The following LRMDA variants were observed in gnomAD, a reference collection of about 807,000 sequenced individuals.
The protein encoded by LRMDA is leucine-rich melanocyte differentiation-associated protein.
A neutral mutation model predicts 29.8 loss-of-function variants in LRMDA; 18 were observed. The observed-to-expected ratio is 0.60, with a 90% CI of 0.42 to 0.90. The LOEUF is 0.90. Among genes scored for constraint, LRMDA ranks in the 40% least tolerant of loss-of-function variants. The probability of loss-of-function intolerance (pLI) is 0.00; values close to 1 mark genes in which losing one functional copy is unlikely to be tolerated. For synonymous variants in LRMDA, 125 were observed against 109.4 expected (o/e 1.14, Z -0.89); for missense variants, 273 against 273.9 (o/e 1.00, Z 0.02).
intron 2 of LRMDA, among the ~76,000 whole-genome samples, chr10:75,982,445 T>C (rs1314169759): frequency 4.6e-5 from 7 of 152,172 alleles, no homozygotes; most frequent in African/African-American, 1.2e-4. Context: ...AGAGTTCCCA[T>C]ACACGAGACC....
intron 2 of LRMDA, among the ~76,000 whole-genome samples, chr10:75,677,706 A>G (rs1841977497): frequency 6.6e-6 from 1 of 152,186 alleles, no homozygotes; most frequent in African/African-American, 2.4e-5. Flanking sequence ...GAATTACGGA[A>G]AAAACAAAAA....
intron 6 of LRMDA, among the ~76,000 whole-genome samples, chr10:76,483,052 C>A (rs1842747197): frequency 6.6e-6 from 1 of 151,898 alleles, no homozygotes. Flanking sequence ...AATGGATTTT[C>A]AGTCTTTGTT....
At chr10:76,432,103 TTTGTAAAAC>T (rs1842197038) in intron 6 of LRMDA, among the ~76,000 whole-genome samples, 1 of 152,224 alleles carries the variant, frequency 6.6e-6, no homozygotes, top group African/African-American at 2.4e-5. Context: ...TTAATTTCCC[TTTGTAAAAC>T]TTGAGTCCTG....
At chr10:75,886,911 T>C (rs2132349479) in intron 2 of LRMDA, among the ~76,000 whole-genome samples, 1 of 152,340 alleles carries the variant, frequency 6.6e-6, no homozygotes, top group Middle Eastern at 3.4e-3. Context: ...TCCTAGGTTC[T>C]TGTGCTTTTC....
At chr10:76,143,918 A>G (rs534832681) in intron 5 of LRMDA, among the ~76,000 whole-genome samples, 3 of 152,338 alleles carry the variant, frequency 2.0e-5, no homozygotes, top group South Asian at 4.1e-4. Context: ...ATGGCTAGCC[A>G]GTTTTCCCAG....
intron 4 of LRMDA, among the ~76,000 whole-genome samples, chr10:76,055,903 C>T (rs1392830209): frequency 1.3e-5 from 2 of 152,224 alleles, no homozygotes; most frequent in Non-Finnish European, 2.9e-5. Flanking sequence ...CCCAAAGGGC[C>T]ACAGCTCTTC....
At chr10:75,577,782 T>C (rs868769908) in intron 2 of LRMDA, among the ~76,000 whole-genome samples, 2 of 152,090 alleles carry the variant, frequency 1.3e-5, no homozygotes, top group African/African-American at 4.8e-5. Flanking sequence ...CATATCCAGC[T>C]AAACTAAGCT....
At chr10:76,229,331 G>T (rs1208461883) in intron 5 of LRMDA, among the ~76,000 whole-genome samples, 1 of 152,188 alleles carries the variant, frequency 6.6e-6, no homozygotes, top group African/African-American at 2.4e-5. Flanking sequence ...CTCCATGGGA[G>T]AGAGTAGTGG....
chr10:75,576,925 G>T (rs1184303854), intron 2 of LRMDA, among the ~76,000 whole-genome samples: 1 of 152,214 alleles, frequency 6.6e-6, no homozygotes, highest in African/African-American at 2.4e-5. Flanking sequence ...CCATGAAGAT[G>T]GGGAGAAACC....
At chr10:76,146,331 T>G (rs1048898381) in intron 5 of LRMDA, among the ~76,000 whole-genome samples, 8 of 152,024 alleles carry the variant, frequency 5.3e-5, no homozygotes, top group African/African-American at 1.9e-4. Context: ...AGTCTAAGTC[T>G]CTTTGTAGGT....
intron 2 of LRMDA, among the ~76,000 whole-genome samples, chr10:75,805,545 G>T (rs1018586184): frequency 6.6e-6 from 1 of 152,206 alleles, no homozygotes; most frequent in Non-Finnish European, 1.5e-5. Flanking sequence ...GTAGAATGGG[G>T]ATTGGGTGTT....
intron 2 of LRMDA, among the ~76,000 whole-genome samples, chr10:75,853,810 C>T (rs572246055): frequency 6.6e-6 from 1 of 152,292 alleles, no homozygotes; most frequent in South Asian, 2.1e-4. Context: ...TGGACATCCC[C>T]AGAACTGCCT....
At chr10:75,678,327 C>A (rs1277763596) in intron 2 of LRMDA, among the ~76,000 whole-genome samples, 1 of 152,098 alleles carries the variant, frequency 6.6e-6, no homozygotes, top group Admixed American at 6.5e-5. Flanking sequence ...GAGACAAGAA[C>A]CGCTTATAAA....
chr10:76,007,044 T>C (rs1271385), intron 2 of LRMDA, among the ~76,000 whole-genome samples: 1 of 111,930 alleles, frequency 8.9e-6, no homozygotes, highest in Non-Finnish European at 1.8e-5. Context: ...GCGTGTGTGT[T>C]TATATATTTA....
At chr10:76,363,217 G>GAGAAAGAA (rs796149725) in intron 6 of LRMDA, among the ~76,000 whole-genome samples, 1 of 18,056 alleles carries the variant, frequency 5.5e-5, no homozygotes, top group Admixed American at 3.7e-4. Flanking sequence ...AGGGAAGGAA[G>GAGAAAGAA]AGAAAGAAAG....
At chr10:75,912,519 G>A (rs1203372899) in intron 2 of LRMDA, among the ~76,000 whole-genome samples, 1 of 152,164 alleles carries the variant, frequency 6.6e-6, no homozygotes, top group African/African-American at 2.4e-5. Flanking sequence ...AACAGCTTCT[G>A]CAAAGACCTG....
chr10:75,766,713 G>T (rs535626359), intron 2 of LRMDA, among the ~76,000 whole-genome samples: 1 of 152,106 alleles, frequency 6.6e-6, no homozygotes, highest in South Asian at 2.1e-4. Flanking sequence ...TGTCATGGTG[G>T]TTTGCTATAC....
chr10:76,272,222 G>T (rs1373838637), intron 5 of LRMDA, among the ~76,000 whole-genome samples: 1 of 152,164 alleles, frequency 6.6e-6, no homozygotes, highest in Non-Finnish European at 1.5e-5. Flanking sequence ...TTGGCTTCCT[G>T]GGGGAAGAGG....
At chr10:76,512,136 G>A (rs1191313491) in intron 6 of LRMDA, among the ~76,000 whole-genome samples, 1 of 152,154 alleles carries the variant, frequency 6.6e-6, no homozygotes, top group Non-Finnish European at 1.5e-5. Context: ...AGGGGTTTCT[G>A]CTTTTGCATC....
Sources: allele counts gnomAD v4.1 joint callset (sites outside exome capture counted in the v4.1 genomes callset), GRCh38; gene constraint gnomAD v4.1.1; transcripts MANE v1.5; gene names NCBI Gene and HGNC (gene_info 2026-07-23, HGNC 2026-07-21).